Variants in WDPCP observed in about 807,000 individuals in gnomAD.
WDPCP encodes WD repeat-containing and planar cell polarity effector protein fritz homolog.
A neutral mutation model predicts 93.1 loss-of-function variants in WDPCP; 71 were observed. That is an observed-to-expected ratio of 0.76 (90% confidence interval 0.63 to 0.93). WDPCP has a LOEUF of 0.93. WDPCP is among the 40% of genes least tolerant of loss of function. WDPCP has a pLI of 0.00. For synonymous variants in WDPCP, 315 were observed against 315.0 expected, an observed-to-expected ratio of 1.00 and a Z score of 0.00; for missense variants, 844 against 887.4, an observed-to-expected ratio of 0.95 and a Z score of 0.62.
intron 15 of WDPCP, among the ~76,000 whole-genome samples, chr2:63,172,635 G>T (rs1229243230): frequency 6.6e-6 from 1 of 152,006 alleles, no homozygotes; most frequent in Non-Finnish European, 1.5e-5. Context: ...AAGGAAAAAT[G>T]AAACTACATG....
chr2:63,343,078 C>T (rs1688956611), intron 12 of WDPCP, among the ~76,000 whole-genome samples: 1 of 152,136 alleles, frequency 6.6e-6, no homozygotes, highest in South Asian at 2.1e-4. Flanking sequence ...CATCTCAGCT[C>T]ACTGCACCCT....
intron 1 of WDPCP, among the ~76,000 whole-genome samples, chr2:63,815,878 T>C (rs923887911): frequency 6.7e-6 from 1 of 150,024 alleles, no homozygotes; most frequent in African/African-American, 2.4e-5. Flanking sequence ...GTTTTGTTGT[T>C]GTTGTTGTTT....
chr2:63,388,918 T>A (rs781168934), intron 10 of WDPCP, among the ~76,000 whole-genome samples: 1 of 151,952 alleles, frequency 6.6e-6, no homozygotes, highest in Non-Finnish European at 1.5e-5. Context: ...CAAATCTAGG[T>A]TTGATAGGTG....
At chr2:63,311,882 T>G (rs1047917775) in intron 13 of WDPCP, among the ~76,000 whole-genome samples, 1 of 152,162 alleles carries the variant, frequency 6.6e-6, no homozygotes, top group Non-Finnish European at 1.5e-5. Context: ...TCTCTTTAGT[T>G]CTTATCTTGG....
intron 15 of WDPCP, among the ~76,000 whole-genome samples, chr2:63,155,350 A>G (rs991230135): frequency 2.0e-5 from 3 of 152,192 alleles, no homozygotes; most frequent in African/African-American, 7.2e-5. Context: ...CTGTGTGTGC[A>G]TAGATGTGTA....
intron 13 of WDPCP, among the ~76,000 whole-genome samples, chr2:63,290,066 A>G (rs1239090742): frequency 6.6e-6 from 1 of 151,736 alleles, no homozygotes; most frequent in Non-Finnish European, 1.5e-5. Flanking sequence ...CTTTTTGAGT[A>G]TCCATCCAGT....
chr2:63,751,156 T>C (rs1669875372), intron 2 of WDPCP, among the ~76,000 whole-genome samples: 2 of 152,210 alleles, frequency 1.3e-5, no homozygotes, highest in African/African-American at 4.8e-5. Flanking sequence ...GGACTATTAA[T>C]GTTTTTGTTT....
At chr2:63,521,030 C>T (rs1166379276) in intron 1 of WDPCP, among the ~76,000 whole-genome samples, 1 of 152,164 alleles carries the variant, frequency 6.6e-6, no homozygotes, top group Non-Finnish European at 1.5e-5. Context: ...TTGTTACCCC[C>T]AGACCTGCCT....
intron 13 of WDPCP, among the ~76,000 whole-genome samples, chr2:63,282,479 T>C (rs1683642786): frequency 6.6e-6 from 1 of 152,180 alleles, no homozygotes; most frequent in Non-Finnish European, 1.5e-5. Context: ...CACTCCAGCC[T>C]GGGCGACAGA....
At chr2:63,756,227 T>C (rs1387077201) in intron 2 of WDPCP, among the ~76,000 whole-genome samples, 1 of 152,248 alleles carries the variant, frequency 6.6e-6, no homozygotes, top group Non-Finnish European at 1.5e-5. Context: ...GAAGATAGTA[T>C]ATATTCATTC....
chr2:63,813,810 GAATA>G (rs1293823581), intron 1 of WDPCP: 4 of 152,210 alleles, frequency 2.6e-5, no homozygotes, highest in African/African-American at 7.2e-5. Flanking sequence ...TCCAGTCACA[GAATA>G]AATACTAACA....
At chr2:63,708,717 C>T (rs1033642113) in intron 2 of WDPCP, among the ~76,000 whole-genome samples, 4 of 152,114 alleles carry the variant, frequency 2.6e-5, no homozygotes, top group South Asian at 2.1e-4. Context: ...CCAGCTCACG[C>T]TGGGAGCTCT....
intron 14 of WDPCP, among the ~76,000 whole-genome samples, chr2:63,204,378 G>A (rs1676166031): frequency 7.2e-6 from 1 of 139,386 alleles, no homozygotes. Flanking sequence ...TCTCACTCTG[G>A]TCACCCAGGC....
intron 17 of WDPCP, among the ~76,000 whole-genome samples, chr2:63,126,666 G>GTTTTTTTTTTTTT (rs763749429): frequency 1.0e-5 from 1 of 98,114 alleles, no homozygotes; most frequent in African/African-American, 3.7e-5. Context: ...CTTGTTTTGT[G>GTTTTTTTTTTTTT]TTTTTTTTTT....
At chr2:63,836,580 C>T in the WDPCP span, among the ~76,000 whole-genome samples, 2 of 152,222 alleles carry the variant, frequency 1.3e-5, no homozygotes, top group South Asian at 4.2e-4. Context: ...ACAATCTACG[C>T]TTGTTAAAAA....
intron 13 of WDPCP, among the ~76,000 whole-genome samples, chr2:63,269,217 G>T (rs1682421169): frequency 6.6e-6 from 1 of 152,008 alleles, no homozygotes; most frequent in Non-Finnish European, 1.5e-5. Context: ...TTACTAACTT[G>T]GAATCAAGTT....
At position 63,749,688 on chromosome 2, in the gene WDPCP, C is replaced by T. The variant is rs185330941; in HGVS notation, n.308+63934G>A. 1.4e-3 allele frequency among the ~76,000 whole-genome samples: 210 copies of T among 152,206 alleles called. 5 individuals carry two copies. Among genetic ancestry groups the T allele is most frequent in the Admixed American group, 0.012 (188 of 15,288 alleles). Reference sequence around the variant, plus strand: ...TTAGGTGTATTAAATGCATTTTTCACTTACAATATTTTCAACTTTCAATGG... The same window carrying T: ...TTAGGTGTATTAAATGCATTTTTCATTTACAATATTTTCAACTTTCAATGG... On this transcript the variant is annotated intron_variant and non_coding_transcript_variant, in intron 2 of 4. Coordinates refer to the WDPCP transcript ENST00000467687.
intron 3 of WDPCP, among the ~76,000 whole-genome samples, chr2:63,625,324 C>T (rs1045212792): frequency 3.3e-5 from 5 of 152,186 alleles, no homozygotes; most frequent in African/African-American, 4.8e-5. Flanking sequence ...GAAGTTCTGG[C>T]GAGGGCAATT....
intron 13 of WDPCP, among the ~76,000 whole-genome samples, chr2:63,272,817 G>T (rs1402676626): frequency 6.6e-6 from 1 of 152,114 alleles, no homozygotes; most frequent in African/African-American, 2.4e-5. Context: ...ATGGGCAAAG[G>T]TATAGAAAAC....
Sources: allele counts gnomAD v4.1 joint callset (sites outside exome capture counted in the v4.1 genomes callset), GRCh38; gene constraint gnomAD v4.1.1; transcripts MANE v1.5; gene names NCBI Gene and HGNC (gene_info 2026-07-23, HGNC 2026-07-21).